Variants in LCORL observed in about 807,000 individuals in gnomAD.
The protein encoded by LCORL is ligand-dependent nuclear receptor corepressor-like protein.
LCORL carries 41 observed loss-of-function variants against 141.8 expected under a neutral mutation model. The ratio of observed to expected loss-of-function variants is 0.29; its 90% CI spans 0.23 to 0.38. The LOEUF is 0.38. Among genes scored for constraint, LCORL ranks in the 10% least tolerant of loss-of-function variants. The pLI, the probability that LCORL is intolerant of heterozygous loss-of-function variation, is 1.00. For missense variants in LCORL, 1,759 were observed against 2,035.0 expected, an observed-to-expected ratio of 0.86 and a Z score of 2.61; for synonymous variants, 618 against 694.1, an observed-to-expected ratio of 0.89 and a Z score of 1.72.
At chr4:17,999,697 A>C (rs1192391377) in intron 1 of LCORL, among the ~76,000 whole-genome samples, 3 of 152,212 alleles carry the variant, frequency 2.0e-5, no homozygotes, top group Non-Finnish European at 1.5e-5. Flanking sequence ...CTTAACCTAA[A>C]TTCAGCGACA....
At chr4:17,984,733 G>A (rs1417312871) in intron 1 of LCORL, among the ~76,000 whole-genome samples, 1 of 152,026 alleles carries the variant, frequency 6.6e-6, no homozygotes, top group Non-Finnish European at 1.5e-5. Flanking sequence ...TTGATCTTCT[G>A]AATGGTTTTT....
rs568888945 is a variant in LCORL at position 17,886,723 on chromosome 4, TAATA to T, written c.683-566_683-563del. 3.2e-4 allele frequency among the ~76,000 whole-genome samples: 48 copies of T among 152,180 alleles called. 1 individual carries two copies. The South Asian group carries it at 9.7e-3, about 31-fold the overall frequency. ...TACAATAGTTAAATCATTGCCTACA[TAATA>T]AATTGTGCTTATATCTACGACTAAA... is the stretch of plus-strand genomic sequence containing the variant. On this transcript the variant is annotated intron_variant, in intron 5 of 7. Transcript: ENST00000635767.
At chr4:17,988,009 C>T (rs1385022300) in intron 1 of LCORL, among the ~76,000 whole-genome samples, 1 of 152,138 alleles carries the variant, frequency 6.6e-6, no homozygotes, top group Non-Finnish European at 1.5e-5. Context: ...CCCATAATTT[C>T]CATGTGGGAG....
chr4:17,872,476 GTTTACAAA>G (rs1480667475), intron 7 of LCORL, among the ~76,000 whole-genome samples: 1 of 152,084 alleles, frequency 6.6e-6, no homozygotes, highest in African/African-American at 2.4e-5. Context: ...CTTTAAGAAA[GTTTACAAA>G]TTTGTGTTGG....
intron 4 of LCORL, among the ~76,000 whole-genome samples, chr4:17,910,968 C>G (rs939131472): frequency 1.3e-5 from 2 of 152,136 alleles, no homozygotes; most frequent in African/African-American, 4.8e-5. Flanking sequence ...GGACACTATT[C>G]GTTTTGGGGC....
intron 4 of LCORL, among the ~76,000 whole-genome samples, chr4:17,917,206 T>G (rs560557114): frequency 2.6e-4 from 39 of 151,784 alleles, no homozygotes; most frequent in Non-Finnish European, 4.7e-4. Flanking sequence ...TTGTTTTGTT[T>G]TGTTTTTTTT....
chr4:17,984,353 T>C (rs891361134), intron 1 of LCORL, among the ~76,000 whole-genome samples: 3 of 152,076 alleles, frequency 2.0e-5, no homozygotes, highest in Non-Finnish European at 2.9e-5. Context: ...GTACCAGCTC[T>C]TGTTTGTGTA....
chr4:17,892,637 A>G (rs754546094), intron 5 of LCORL, among the ~76,000 whole-genome samples: 2 of 152,228 alleles, frequency 1.3e-5, no homozygotes, highest in Non-Finnish European at 2.9e-5. Context: ...AAATCAAAGT[A>G]AAGTGCTTAT....
At chr4:17,911,627 G>T in intron 4 of LCORL, 1 of 413,852 alleles carries the variant, frequency 2.4e-6, no homozygotes. Context: ...TAACTTGGTC[G>T]TTGGCAAAGT....
chr4:17,923,976 A>C (rs542327604), intron 4 of LCORL, among the ~76,000 whole-genome samples: 7 of 151,980 alleles, frequency 4.6e-5, no homozygotes, highest in Middle Eastern at 3.4e-3. Flanking sequence ...TAGTGGGCAG[A>C]ACTTCGAGCA....
exon 7 of LCORL, chr4:17,873,534 T>C (rs746437267): frequency 1.6e-6 from 2 of 1,233,864 alleles, no homozygotes; most frequent in Non-Finnish European, 2.0e-6. Flanking sequence ...AGGATTCTTG[T>C]CAAAGTTAAC....
intron 4 of LCORL, among the ~76,000 whole-genome samples, chr4:17,926,727 T>C (rs894922701): frequency 6.6e-6 from 1 of 152,252 alleles, no homozygotes; most frequent in African/African-American, 2.4e-5. Context: ...ATTAGTCCTG[T>C]CCTTTTAGTG....
exon 8 of LCORL, chr4:17,843,457 T>A (rs1722628193): frequency 6.2e-7 from 1 of 1,602,006 alleles, no homozygotes; most frequent in Non-Finnish European, 8.5e-7. Flanking sequence ...CCTTTAAGAT[T>A]ATGTCCAGTT....
chr4:17,905,729 G>C (rs1389534735), intron 5 of LCORL, among the ~76,000 whole-genome samples: 2 of 152,042 alleles, frequency 1.3e-5, no homozygotes, highest in Non-Finnish European at 2.9e-5. Context: ...TTTATGGATT[G>C]TCATCTAATT....
chr4:17,961,184 A>C (rs546877079), intron 4 of LCORL, among the ~76,000 whole-genome samples: 12 of 152,124 alleles, frequency 7.9e-5, no homozygotes, highest in Non-Finnish European at 1.2e-4. Flanking sequence ...AACATGCACC[A>C]TAACTTAATC....
At chr4:17,955,425 T>C (rs758233020) in intron 4 of LCORL, among the ~76,000 whole-genome samples, 25 of 152,170 alleles carry the variant, frequency 1.6e-4, no homozygotes, top group African/African-American at 6.0e-4. Flanking sequence ...ATAACAAATA[T>C]TGTTACTAAA....
At chr4:18,010,419 T>C (rs1329812406) in intron 1 of LCORL, among the ~76,000 whole-genome samples, 1 of 151,990 alleles carries the variant, frequency 6.6e-6, no homozygotes, top group Non-Finnish European at 1.5e-5. Flanking sequence ...TGTGTATATA[T>C]ATATGTATGT....
At chr4:17,882,683 A>G (rs998032535) in intron 6 of LCORL, 49 of 984,708 alleles carry the variant, frequency 5.0e-5, no homozygotes, top group Non-Finnish European at 5.9e-5. Context: ...TCATTTTGAT[A>G]AACTGAAAAT....
intron 4 of LCORL, among the ~76,000 whole-genome samples, chr4:17,940,019 CAT>C (rs1737595890): frequency 6.8e-6 from 1 of 147,096 alleles, no homozygotes; most frequent in African/African-American, 2.6e-5. Context: ...GGTATATATG[CAT>C]ATATACACCA....
Sources: allele counts gnomAD v4.1 joint callset (sites outside exome capture counted in the v4.1 genomes callset), GRCh38; gene constraint gnomAD v4.1.1; transcripts MANE v1.5; gene names NCBI Gene and HGNC (gene_info 2026-07-23, HGNC 2026-07-21).